MYCBP2: variants seen among roughly 807,000 people sequenced by gnomAD.
MYCBP2 encodes MYC binding protein 2, also known as E3 ubiquitin-protein ligase MYCBP2.
Under a neutral mutation model 525.3 loss-of-function variants are expected in MYCBP2, and 120 were observed. The observed-to-expected ratio is 0.23, with a 90% CI of 0.20 to 0.27. The LOEUF is 0.27. MYCBP2 is among the 10% of genes least tolerant of loss of function. The probability of loss-of-function intolerance (pLI) is 1.00; values close to 1 mark genes in which losing one functional copy is unlikely to be tolerated. For missense variants in MYCBP2, 4,149 were observed against 5,657.1 expected, an observed-to-expected ratio of 0.73 and a Z score of 8.55; for synonymous variants, 1,894 against 1,955.8, an observed-to-expected ratio of 0.97 and a Z score of 0.83.
Position 77,270,057 on chromosome 13 carries a change from T to C in MYCBP2, c.1195A>G (p.Ile399Val), listed in dbSNP as rs369825218. 7.5e-5 allele frequency: 121 copies of C among 1,604,668 alleles called. No homozygotes were observed. Among genetic ancestry groups the C allele is most frequent in the Non-Finnish European group, 9.5e-5 (112 of 1,177,546 alleles). ...CTAATACGGGATGTAGAATTGTATA[T>C]ATGGCCCTGCAAAAAAAACAAAAGT... Reference protein sequence around the residue: ...SGYSGTVRGHIYNSTSRIRNR... With the variant: ...SGYSGTVRGHVYNSTSRIRNR... The change falls in exon 7 of 83, where the codon ATA becomes GTA. Residue 399 changes from isoleucine (I) to valine (V), a missense_variant. Transcript: ENST00000544440.
intron 28 of MYCBP2, among the ~76,000 whole-genome samples, chr13:77,190,578 C>T (rs1337273991): frequency 1.3e-5 from 2 of 152,178 alleles, no homozygotes; most frequent in African/African-American, 4.8e-5. Context: ...AGCTCTCCAA[C>T]TCAGCTTTAA....
At chr13:77,110,631 T>G (rs1163594850) in intron 55 of MYCBP2, among the ~76,000 whole-genome samples, 1 of 152,190 alleles carries the variant, frequency 6.6e-6, no homozygotes, top group African/African-American at 2.4e-5. Flanking sequence ...AATAAAAACC[T>G]GCTGGTTTTG....
At chr13:77,243,545 G>A (rs4885447) in intron 16 of MYCBP2, among the ~76,000 whole-genome samples, 86,843 of 151,456 alleles carry the variant, frequency 0.57, 28,274 homozygotes, top group Non-Finnish European at 0.73. Flanking sequence ...CCTAGAAGGC[G>A]GAGGTTGCAG....
At chr13:77,163,615 A>G (rs566241299) in intron 43 of MYCBP2, among the ~76,000 whole-genome samples, 3 of 152,292 alleles carry the variant, frequency 2.0e-5, no homozygotes. Flanking sequence ...TTTGCTCCAT[A>G]TAAAAAAGTA....
chr13:77,256,537 G>A (rs1337998581), intron 14 of MYCBP2, among the ~76,000 whole-genome samples: 7 of 151,892 alleles, frequency 4.6e-5, no homozygotes, highest in Admixed American at 3.3e-4. Flanking sequence ...ACGTCAAAGA[G>A]CCACTCAAAT....
In MYCBP2 at chr13:77,164,624, G is replaced by A. The variant is rs2058325712; in HGVS notation, c.6460-83C>T. The A allele has an allele frequency of 3.5e-6, 3 of 858,856 alleles. No individual in the cohort carries two copies. In the East Asian group the frequency reaches 7.7e-5, roughly 22 times the overall value. 53.2% of individuals were successfully genotyped at this position (858,856 alleles called of 1,614,324 possible). On this transcript the variant is annotated intron_variant, in intron 42 of 82. Coordinates refer to ENST00000544440, the MANE Select transcript of MYCBP2 (RefSeq NM_015057.5). Reference sequence around the variant, plus strand: ...TCAACAAAATGTGATTTGAATTCAAGCATTACTTTTGAAATGAGAAGGAAG... The same window carrying A: ...TCAACAAAATGTGATTTGAATTCAAACATTACTTTTGAAATGAGAAGGAAG...
intron 44 of MYCBP2, among the ~76,000 whole-genome samples, chr13:77,160,532 CT>C (rs2057781763): frequency 6.6e-6 from 1 of 152,148 alleles, no homozygotes; most frequent in Non-Finnish European, 1.5e-5. Context: ...GGGTACCAGC[CT>C]TTGTTTCCCT....
intron 1 of MYCBP2, among the ~76,000 whole-genome samples, chr13:77,299,139 C>G (rs9530633): frequency 0.58 from 87,445 of 151,928 alleles, 28,545 homozygotes; most frequent in Non-Finnish European, 0.74. Flanking sequence ...AAAATTTATT[C>G]CAAACCAATT....
intron 44 of MYCBP2, among the ~76,000 whole-genome samples, chr13:77,161,694 T>C (rs929194309): frequency 6.6e-6 from 1 of 152,196 alleles, no homozygotes; most frequent in Non-Finnish European, 1.5e-5. Flanking sequence ...TTTGTCTAAC[T>C]CCAGAGTCAA....
At chr13:77,113,294 T>G (rs532059085) in intron 55 of MYCBP2, among the ~76,000 whole-genome samples, 53 of 152,272 alleles carry the variant, frequency 3.5e-4, no homozygotes, top group African/African-American at 1.2e-3. Flanking sequence ...TTCCTATGTT[T>G]CCATTGCATC....
intron 18 of MYCBP2, among the ~76,000 whole-genome samples, chr13:77,231,061 A>G (rs1319633504): frequency 6.6e-6 from 1 of 152,232 alleles, no homozygotes; most frequent in African/African-American, 2.4e-5. Context: ...ACTCTTCACA[A>G]AAAAATAGGG....
chr13:77,140,091 T>C lies in MYCBP2; in HGVS notation c.7474A>G (p.Ile2492Val). The C allele has an allele frequency of 6.2e-7, 1 of 1,613,330 alleles. No homozygotes were observed. The highest frequency in any genetic ancestry group is 8.5e-7 in the Non-Finnish European group (1 of 1,179,802). The change falls in exon 51 of 83, where the codon ATA becomes GTA. Residue 2492 changes from isoleucine (I) to valine (V), a missense_variant. This residue lies in a region of MYCBP2 where 692 missense variants were observed against 852.7 expected (regional missense o/e 0.81). Coordinates refer to ENST00000544440, the MANE Select transcript of MYCBP2 (RefSeq NM_015057.5). ...RSHPSLQSEQ[I>V]GIVKVNGTIT... ...GTTCCATTGACTTTCACTATGCCTA[T>C]CTGCTCACTCTGAAGGGAAGGGTGG...
At chr13:77,092,081 G>A (rs201603612) in intron 59 of MYCBP2, among the ~76,000 whole-genome samples, 47 of 144,562 alleles carry the variant, frequency 3.3e-4, no homozygotes, top group Non-Finnish European at 3.0e-4. Context: ...TATTTTTAAT[G>A]AAAAAAAAAA....
At position 77,161,936 on chromosome 13, in the gene MYCBP2, GTCT is replaced by G. The variant is rs756225222; in HGVS notation, c.6564_6566del (p.Glu2188del). The G allele has an allele frequency of 2.7e-5, 43 of 1,606,676 alleles. No individual in the cohort carries two copies. Among genetic ancestry groups the G allele is most frequent in the Non-Finnish European group, 3.3e-5 (39 of 1,175,986 alleles). On this transcript the variant is annotated inframe_deletion, in exon 44 of 83. Coordinates refer to ENST00000544440, the MANE Select transcript of MYCBP2 (RefSeq NM_015057.5). ...ATGCAGCCTCCTCAAGAATTTCAAG[GTCT>G]TCTTCTAATTCATTACCTGTTGTGT...
intron 20 of MYCBP2, among the ~76,000 whole-genome samples, chr13:77,218,327 T>C (rs925588966): frequency 2.6e-5 from 4 of 152,216 alleles, no homozygotes; most frequent in East Asian, 1.9e-4. Flanking sequence ...TGTAATGCCT[T>C]AACAGAAATT....
chr13:77,279,525 T>C (rs1656440317), intron 3 of MYCBP2, among the ~76,000 whole-genome samples: 1 of 152,152 alleles, frequency 6.6e-6, no homozygotes, highest in African/African-American at 2.4e-5. Context: ...AAAAGACAAA[T>C]TCCATTTCTC....
chr13:77,093,409 A>T, intron 58 of MYCBP2, 77 bp from the exon 59 acceptor site: 1 of 1,262,308 alleles, frequency 7.9e-7, no homozygotes, highest in Non-Finnish European at 1.1e-6. Flanking sequence ...CTTTCATAAC[A>T]GGAAAAGCAG....
At chr13:77,149,384 ATCTT>A (rs1426756553) in intron 47 of MYCBP2, among the ~76,000 whole-genome samples, 4 of 151,446 alleles carry the variant, frequency 2.6e-5, no homozygotes, top group African/African-American at 9.7e-5. Context: ...GTGCTTGGAA[ATCTT>A]TTTTTTTTTT....
intron 46 of MYCBP2, among the ~76,000 whole-genome samples, chr13:77,154,849 C>T (rs1193829920): frequency 6.6e-6 from 1 of 151,738 alleles, no homozygotes; most frequent in Non-Finnish European, 1.5e-5. Context: ...ATGCTTTTTG[C>T]ATTGTATAGA....
Sources: allele counts gnomAD v4.1 joint callset (sites outside exome capture counted in the v4.1 genomes callset), GRCh38; gene constraint gnomAD v4.1.1; regional missense constraint gnomAD v4.1.1; transcripts MANE v1.5; gene names NCBI Gene and HGNC (gene_info 2026-07-23, HGNC 2026-07-21).